The following BICC1 variants were observed in gnomAD, a reference collection of about 807,000 sequenced individuals.
BICC1 encodes the protein protein bicaudal C homolog 1.
BICC1 carries 43 observed loss-of-function variants against 111.0 expected under a neutral mutation model. The ratio of observed to expected loss-of-function variants is 0.39; its 90% CI spans 0.30 to 0.50. BICC1 has a LOEUF of 0.50. Ranked by LOEUF, BICC1 falls within the 20% of genes least tolerant of loss-of-function variation. The probability of loss-of-function intolerance (pLI) is 0.88; values close to 1 mark genes in which losing one functional copy is unlikely to be tolerated. For synonymous variants in BICC1, 467 were observed against 434.4 expected, an observed-to-expected ratio of 1.07 and a Z score of -0.93; for missense variants, 1,091 against 1,203.2, an observed-to-expected ratio of 0.91 and a Z score of 1.38.
intron 1 of BICC1, among the ~76,000 whole-genome samples, chr10:58,558,424 A>C (rs1017598546): frequency 1.3e-5 from 2 of 152,076 alleles, no homozygotes; most frequent in African/African-American, 4.8e-5. Context: ...TTCGCGTCAC[A>C]ATCTGTAAGT....
intron 1 of BICC1, among the ~76,000 whole-genome samples, chr10:58,572,729 A>G (rs1339300911): frequency 1.3e-5 from 2 of 152,156 alleles, no homozygotes. Context: ...TATATAGAGA[A>G]CAATGCTAGA....
At chr10:58,528,931 G>C (rs1842614091) in intron 1 of BICC1, among the ~76,000 whole-genome samples, 1 of 151,928 alleles carries the variant, frequency 6.6e-6, no homozygotes, top group Non-Finnish European at 1.5e-5. Flanking sequence ...TGGGAAATGT[G>C]GTAGAAAGAG....
At chr10:58,788,081 A>G (rs1843063834) in intron 5 of BICC1, among the ~76,000 whole-genome samples, 1 of 152,142 alleles carries the variant, frequency 6.6e-6, no homozygotes, top group Non-Finnish European at 1.5e-5. Context: ...AACAAGAGTA[A>G]TTATAAAGAG....
intron 1 of BICC1, among the ~76,000 whole-genome samples, chr10:58,587,750 A>T (rs1844476657): frequency 6.6e-6 from 1 of 152,214 alleles, no homozygotes; most frequent in African/African-American, 2.4e-5. Flanking sequence ...GCGGAGTAGT[A>T]TAAATAGGGT....
At chr10:58,661,225 T>G (rs1838833736) in intron 2 of BICC1, among the ~76,000 whole-genome samples, 1 of 151,974 alleles carries the variant, frequency 6.6e-6, no homozygotes, top group African/African-American at 2.4e-5. Context: ...TTTTTTTTTT[T>G]TTTGTCCCTG....
intron 1 of BICC1, among the ~76,000 whole-genome samples, chr10:58,602,293 T>G (rs1244168848): frequency 1.3e-5 from 2 of 152,300 alleles, no homozygotes; most frequent in East Asian, 3.9e-4. Flanking sequence ...AGTTATGGCT[T>G]AGAGTATGAC....
At chr10:58,648,735 C>G (rs1490382694) in intron 2 of BICC1, 12 of 828,826 alleles carry the variant, frequency 1.4e-5, no homozygotes, top group African/African-American at 1.9e-5. Context: ...ACTTGCTACT[C>G]CTGTCTTTTA....
At chr10:58,607,448 T>C (rs1165229324) in intron 1 of BICC1, among the ~76,000 whole-genome samples, 2 of 152,032 alleles carry the variant, frequency 1.3e-5, no homozygotes, top group Admixed American at 6.6e-5. Context: ...CCATTCTCTT[T>C]CCCCATTTCC....
chr10:58,821,253 A>G (rs1312278463), intron 20 of BICC1, among the ~76,000 whole-genome samples: 2 of 152,088 alleles, frequency 1.3e-5, no homozygotes, highest in Non-Finnish European at 2.9e-5. Context: ...TTGAATGTCA[A>G]GTTTATATGT....
chr10:58,569,586 CT>C (rs1843881817), intron 1 of BICC1, among the ~76,000 whole-genome samples: 1 of 152,138 alleles, frequency 6.6e-6, no homozygotes, highest in African/African-American at 2.4e-5. Flanking sequence ...GTTCCCCTCC[CT>C]GTATCCATGT....
chr10:58,523,586 C>T (rs1842451416), intron 1 of BICC1, among the ~76,000 whole-genome samples: 1 of 152,158 alleles, frequency 6.6e-6, no homozygotes, highest in Non-Finnish European at 1.5e-5. Context: ...GACAAACCCA[C>T]AGCCAGTATC....
chr10:58,734,962 C>G (rs1361139611), intron 3 of BICC1, among the ~76,000 whole-genome samples: 3 of 152,180 alleles, frequency 2.0e-5, no homozygotes, highest in Non-Finnish European at 4.4e-5. Context: ...AATGAATTTT[C>G]ATCCCCTCAC....
At chr10:58,576,074 A>G (rs1452175185) in intron 1 of BICC1, among the ~76,000 whole-genome samples, 1 of 152,186 alleles carries the variant, frequency 6.6e-6, no homozygotes, top group Non-Finnish European at 1.5e-5. Flanking sequence ...ACATCTTTGA[A>G]GAGCCGAGTG....
intron 1 of BICC1, among the ~76,000 whole-genome samples, chr10:58,566,182 G>A (rs367570547): frequency 4.4e-4 from 67 of 150,568 alleles, no homozygotes; most frequent in South Asian, 1.5e-3. Flanking sequence ...ATATACACAC[G>A]TGTGTATATG....
intron 3 of BICC1, among the ~76,000 whole-genome samples, chr10:58,744,952 G>A (rs894750524): frequency 3.3e-5 from 5 of 152,142 alleles, no homozygotes; most frequent in Non-Finnish European, 5.9e-5. Flanking sequence ...CATGTTGAGA[G>A]TTCTTATAAG....
rs576649552 is a variant in BICC1 at position 58,698,900 on chromosome 10, C to T, written c.238-3174C>T. On this transcript the variant is annotated intron_variant, in intron 2 of 20. Transcript: ENST00000373886. Reference sequence around the variant, plus strand: ...AAGCAGCAGAGCTGGTATTTGTCTCCGGAGTCCCTGCTCATAATGGCTAGA... The same window carrying T: ...AAGCAGCAGAGCTGGTATTTGTCTCTGGAGTCCCTGCTCATAATGGCTAGA... Among the ~76,000 whole-genome samples, 9 of 152,240 alleles carry T rather than the reference C, an allele frequency of 5.9e-5. No homozygotes were observed. In the East Asian group the frequency reaches 9.7e-4, roughly 16 times the overall value.
At chr10:58,774,218 C>G (rs1842691803) in intron 3 of BICC1, among the ~76,000 whole-genome samples, 1 of 152,076 alleles carries the variant, frequency 6.6e-6, no homozygotes, top group Admixed American at 6.5e-5. Flanking sequence ...AACAGCACAA[C>G]AAATAAAAAG....
intron 2 of BICC1, among the ~76,000 whole-genome samples, chr10:58,680,403 A>T (rs901121221): frequency 6.6e-6 from 1 of 152,230 alleles, no homozygotes; most frequent in African/African-American, 2.4e-5. Flanking sequence ...CAGCCAAATC[A>T]TAAGTGAACT....
intron 18 of BICC1, among the ~76,000 whole-genome samples, chr10:58,814,500 G>A (rs746471649): frequency 5.9e-5 from 9 of 151,980 alleles, no homozygotes; most frequent in Non-Finnish European, 1.2e-4. Context: ...AGTGGTTGAG[G>A]CCAGGCATGG....
Sources: gnomAD v4.1 joint callset for allele counts (sites outside exome capture counted in the v4.1 genomes callset) on GRCh38, gnomAD v4.1.1 for gene constraint, MANE v1.5 for transcripts, NCBI Gene and HGNC (gene_info 2026-07-23, HGNC 2026-07-21) for gene names.